Variants in FOCAD observed in about 807,000 individuals in gnomAD.
The protein encoded by FOCAD is focadhesin, also known as KIAA1797.
FOCAD carries 198 observed loss-of-function variants against 225.6 expected under a neutral mutation model. The observed-to-expected ratio is 0.88, with a 90% CI of 0.78 to 0.99. The LOEUF is 0.99. Among genes scored for constraint, FOCAD ranks in the 50% least tolerant of loss-of-function variants. The pLI is 0.00. For missense variants in FOCAD, 2,713 were observed against 2,123.6 expected, an observed-to-expected ratio of 1.28 and a Z score of -5.46; for synonymous variants, 897 against 755.0, an observed-to-expected ratio of 1.19 and a Z score of -3.08.
At chr9:20,697,976 G>C (rs1455912112) in intron 1 of FOCAD, among the ~76,000 whole-genome samples, 1 of 152,158 alleles carries the variant, frequency 6.6e-6, no homozygotes, top group African/African-American at 2.4e-5. Context: ...TGTGACTTTC[G>C]CATTAAATAG....
intron 26 of FOCAD, 36 bp from the exon 27 acceptor site, chr9:20,929,322 A>G (rs963409462): frequency 6.4e-7 from 1 of 1,556,142 alleles, no homozygotes; most frequent in African/African-American, 1.4e-5. Flanking sequence ...TTCATGTTTA[A>G]GGCTAACCCT....
intron 21 of FOCAD, among the ~76,000 whole-genome samples, chr9:20,892,534 G>A (rs527670741): frequency 6.6e-6 from 1 of 152,214 alleles, no homozygotes; most frequent in South Asian, 2.1e-4. Flanking sequence ...CTGCAGATGT[G>A]GGAGGGGTAC....
chr9:20,775,076 A>C (rs1348911028), intron 8 of FOCAD, among the ~76,000 whole-genome samples: 1 of 152,140 alleles, frequency 6.6e-6, no homozygotes, highest in African/African-American at 2.4e-5. Flanking sequence ...TATCAGCTGG[A>C]TGTCTTGTTC....
chr9:20,789,275 T>C (rs1820269433), intron 10 of FOCAD, 76 bp from the exon 11 acceptor site: 2 of 1,510,834 alleles, frequency 1.3e-6, no homozygotes, highest in African/African-American at 1.4e-5. Context: ...CAATGAAATA[T>C]AAGAATGCCA....
intron 19 of FOCAD, among the ~76,000 whole-genome samples, chr9:20,878,689 C>T (rs192271729): frequency 2.6e-5 from 4 of 152,124 alleles, no homozygotes; most frequent in Admixed American, 1.3e-4. Flanking sequence ...ATGAGGGGAC[C>T]GATTAGGATA....
At chr9:20,867,913 G>C (rs1829428705) in intron 18 of FOCAD, among the ~76,000 whole-genome samples, 1 of 152,062 alleles carries the variant, frequency 6.6e-6, no homozygotes, top group South Asian at 2.1e-4. Flanking sequence ...GTAGGAACCA[G>C]GCAAATTTCT....
intron 5 of FOCAD, among the ~76,000 whole-genome samples, chr9:20,749,021 GT>G (rs1007745155): frequency 2.0e-5 from 3 of 151,996 alleles, no homozygotes; most frequent in Non-Finnish European, 4.4e-5. Context: ...GTCTCTAGGT[GT>G]TTTTTTTCCC....
Position 20,752,502 on chromosome 9 carries a change from T to A in FOCAD, c.393-5588T>A, listed in dbSNP as rs187107810. Reference sequence around the variant, plus strand: ...GGCGTTATTTCTGAGAGCTCTGTTCTGTTCCATTGATCTATATCTCTGTTT... The same window carrying A: ...GGCGTTATTTCTGAGAGCTCTGTTCAGTTCCATTGATCTATATCTCTGTTT... On this transcript the variant is annotated intron_variant, in intron 5 of 43. Transcript: ENST00000338382. Among the ~76,000 whole-genome samples, 490 of 152,354 alleles carry A rather than the reference T, an allele frequency of 3.2e-3. 24 individuals are homozygous for A. The highest frequency in any genetic ancestry group is 0.029 in the Admixed American group (449 of 15,290).
intron 1 of FOCAD, among the ~76,000 whole-genome samples, chr9:20,709,842 CTG>C (rs1391739711): frequency 1.3e-5 from 2 of 152,150 alleles, no homozygotes; most frequent in Non-Finnish European, 2.9e-5. Context: ...GAAATTAGGG[CTG>C]TCTTTTGTAA....
At chr9:20,766,020 C>A (rs1378287952) in intron 7 of FOCAD, among the ~76,000 whole-genome samples, 1 of 152,168 alleles carries the variant, frequency 6.6e-6, no homozygotes, top group Admixed American at 6.5e-5. Context: ...AAAATGAATT[C>A]TCCTGTGGCT....
At chr9:20,973,750 T>G (rs878976563) in intron 35 of FOCAD, among the ~76,000 whole-genome samples, 1 of 149,028 alleles carries the variant, frequency 6.7e-6, no homozygotes, top group Non-Finnish European at 1.5e-5. Context: ...CTTCTCCTTT[T>G]TCCTATGTTT....
At chr9:20,753,881 T>C (rs1240463951) in intron 5 of FOCAD, among the ~76,000 whole-genome samples, 1 of 152,192 alleles carries the variant, frequency 6.6e-6, no homozygotes. Flanking sequence ...TAGATTTATT[T>C]ACAAGTGATC....
chr9:20,962,802 G>A lies in FOCAD; in HGVS notation c.4132+9737G>A, dbSNP rs139406261. On this transcript the variant is annotated intron_variant, in intron 35 of 43. Coordinates refer to ENST00000338382, the MANE Select transcript of FOCAD (RefSeq NM_001375567.1). ...CATCTGGATCTTTTTAACAAGTACTGTTAGGCCTTCTCAGTTCCAAATCCA... is the reference window on the plus strand; with the variant it reads ...CATCTGGATCTTTTTAACAAGTACTATTAGGCCTTCTCAGTTCCAAATCCA... Among the ~76,000 whole-genome samples the A allele has an allele frequency of 6.6e-3, 1,007 of 152,296 alleles. 13 individuals carry two copies. The highest frequency in any genetic ancestry group is 0.022 in the African/African-American group (933 of 41,556).
chr9:20,907,306 A>G, intron 22 of FOCAD, 64 bp downstream of exon 22: 1 of 1,338,934 alleles, frequency 7.5e-7, no homozygotes, highest in Non-Finnish European at 1.1e-6. Flanking sequence ...TTTTGCTACA[A>G]ATGTGTATTT....
intron 2 of FOCAD, among the ~76,000 whole-genome samples, chr9:20,670,036 T>TCATCATAG (rs1822013624): frequency 6.6e-6 from 1 of 152,210 alleles, no homozygotes; most frequent in African/African-American, 2.4e-5. Flanking sequence ...GCAAGCCCTA[T>TCATCATAG]GATGGCAGCA....
At chr9:20,746,765 T>C (rs1157899987) in intron 5 of FOCAD, among the ~76,000 whole-genome samples, 1 of 152,208 alleles carries the variant, frequency 6.6e-6, no homozygotes, top group African/African-American at 2.4e-5. Context: ...GTCTCAATAA[T>C]GTCCTGCCTT....
At chr9:20,946,669 A>G (rs375299140) in intron 29 of FOCAD, 32 bp from the exon 30 acceptor site, 174 of 1,589,546 alleles carry the variant, frequency 1.1e-4, no homozygotes, top group Non-Finnish European at 1.4e-4. Context: ...TTCCTCCTGA[A>G]GACATATTTT....
In FOCAD at chr9:20,817,953, A is replaced by C. The variant is rs571904112; in HGVS notation, c.1456-1843A>C. Among the ~76,000 whole-genome samples the C allele has an allele frequency of 1.7e-3, 262 of 152,308 alleles. 1 individual carries two copies. Among genetic ancestry groups the C allele is most frequent in the African/African-American group, 5.9e-3 (245 of 41,582 alleles). On this transcript the variant is annotated intron_variant, in intron 11 of 43. Transcript: ENST00000338382. ...TAATTCTATGTTTACCTATTTAAGAAATTGATAGAATGTTTTCCAAAGGGA... is the reference window on the plus strand; with the variant it reads ...TAATTCTATGTTTACCTATTTAAGACATTGATAGAATGTTTTCCAAAGGGA...
chr9:20,662,500 C>T (rs1821758122), intron 2 of FOCAD, among the ~76,000 whole-genome samples: 1 of 152,198 alleles, frequency 6.6e-6, no homozygotes, highest in African/African-American at 2.4e-5. Flanking sequence ...CCTAAGCTCC[C>T]AGCCAGGGTG....
Sources: gnomAD v4.1 joint callset for allele counts (sites outside exome capture counted in the v4.1 genomes callset) on GRCh38, gnomAD v4.1.1 for gene constraint, MANE v1.5 for transcripts, NCBI Gene and HGNC (gene_info 2026-07-23, HGNC 2026-07-21) for gene names.